Variants in RTTN observed in about 807,000 individuals in gnomAD.
RTTN encodes the protein rotatin.
A neutral mutation model predicts 269.2 loss-of-function variants in RTTN; 182 were observed. That is an observed-to-expected ratio of 0.68 (90% confidence interval 0.60 to 0.76). The LOEUF is 0.76. Ranked by LOEUF, RTTN falls within the 30% of genes least tolerant of loss-of-function variation. RTTN has a pLI of 0.00. For missense variants in RTTN, 2,545 were observed against 2,608.6 expected, an observed-to-expected ratio of 0.98 and a Z score of 0.53; for synonymous variants, 1,006 against 963.5, an observed-to-expected ratio of 1.04 and a Z score of -0.82.
chr18:70,203,677 G>A (rs1403506190), intron 3 of RTTN, among the ~76,000 whole-genome samples: 4 of 152,090 alleles, frequency 2.6e-5, no homozygotes, highest in African/African-American at 4.8e-5. Context: ...GCATTATGTC[G>A]TTTTGATTGG....
At chr18:70,167,795 T>C (rs945869797) in intron 12 of RTTN, among the ~76,000 whole-genome samples, 15 of 150,234 alleles carry the variant, frequency 1.0e-4, no homozygotes, top group Non-Finnish European at 1.3e-4. Flanking sequence ...GGTACTAACA[T>C]GGCAAAAGGA....
intron 5 of RTTN, among the ~76,000 whole-genome samples, chr18:70,198,534 A>T (rs1418905759): frequency 3.3e-5 from 5 of 152,196 alleles, no homozygotes; most frequent in African/African-American, 1.2e-4. Flanking sequence ...TTTATTTTCC[A>T]GATTTATACC....
intron 28 of RTTN, 41 bp from the exon 29 acceptor site, chr18:70,092,845 T>G: frequency 6.4e-7 from 1 of 1,562,044 alleles, no homozygotes; most frequent in Non-Finnish European, 8.8e-7. Flanking sequence ...GGCTTTATTC[T>G]CAATGGTATA....
chr18:70,027,083 C>A (rs1467125359), intron 43 of RTTN, among the ~76,000 whole-genome samples: 2 of 152,226 alleles, frequency 1.3e-5, no homozygotes, highest in Non-Finnish European at 2.9e-5. Context: ...CCCTCCTTCT[C>A]CTTTCTACCT....
intron 23 of RTTN, among the ~76,000 whole-genome samples, chr18:70,133,032 A>T (rs1028069982): frequency 6.6e-6 from 1 of 150,942 alleles, no homozygotes; most frequent in Non-Finnish European, 1.5e-5. Flanking sequence ...ATCTAGGAAT[A>T]AACTATAAAT....
chr18:70,171,679 C>A (rs1044819135), intron 11 of RTTN, among the ~76,000 whole-genome samples: 5 of 152,180 alleles, frequency 3.3e-5, no homozygotes, highest in Admixed American at 1.3e-4. Context: ...AAATCCATCA[C>A]CCCATTAGAT....
chr18:70,017,711 T>C, intron 45 of RTTN, 37 bp from the exon 46 acceptor site: 1 of 1,540,672 alleles, frequency 6.5e-7, no homozygotes, highest in Non-Finnish European at 8.8e-7. Flanking sequence ...TTTCTTCTCA[T>C]CTTTTTCATT....
intron 46 of RTTN, 92 bp downstream of exon 46, chr18:70,017,315 G>T: frequency 8.1e-7 from 1 of 1,235,176 alleles, no homozygotes; most frequent in Non-Finnish European, 1.1e-6. Context: ...CTTAATAAAT[G>T]CCTAGAAAAT....
rs1227891649 is a variant in RTTN, at chr18:70,020,640, T to C, written c.6128A>G (p.His2043Arg). 8.1e-6 allele frequency: 13 copies of C among 1,613,892 alleles called. No individual in the cohort carries two copies. Among genetic ancestry groups the C allele is most frequent in the South Asian group, 2.2e-5 (2 of 91,072 alleles). The change falls in exon 45 of 49, where the codon CAT becomes CGT. Residue 2043 changes from histidine to arginine, a missense_variant. By Grantham distance (29) the His-to-Arg change is conservative. Coordinates refer to ENST00000640769, the MANE Select transcript of RTTN (RefSeq NM_173630.4). ...CTTCTGAATTACTCCTTTACAGTCA[T>C]GCGACAAGGCCAGGTTTGAAAGAAG... ...FMLLSNLALSHDCKGVIQKSN... is the reference protein window; with the variant it reads ...FMLLSNLALSRDCKGVIQKSN...
At chr18:70,155,702 T>C (rs528539836) in intron 14 of RTTN, among the ~76,000 whole-genome samples, 46 of 152,348 alleles carry the variant, frequency 3.0e-4, no homozygotes, top group South Asian at 2.7e-3. Flanking sequence ...CAATGGGGCA[T>C]GGCCATAGGT....
At chr18:70,025,470 C>G (rs1337603489) in intron 43 of RTTN, among the ~76,000 whole-genome samples, 1 of 152,080 alleles carries the variant, frequency 6.6e-6, no homozygotes, top group Non-Finnish European at 1.5e-5. Context: ...ACAAGAATTC[C>G]GAGGTAATTT....
At chr18:70,182,326 T>A (rs2061438113) in intron 10 of RTTN, among the ~76,000 whole-genome samples, 1 of 152,178 alleles carries the variant, frequency 6.6e-6, no homozygotes, top group Non-Finnish European at 1.5e-5. Flanking sequence ...TATTCAGACC[T>A]CTATTCACAA....
chr18:70,016,304 A>G (rs983977112), intron 46 of RTTN, among the ~76,000 whole-genome samples: 1 of 152,240 alleles, frequency 6.6e-6, no homozygotes, highest in African/African-American at 2.4e-5. Flanking sequence ...AAAAACATGA[A>G]AAAAACAAGA....
chr18:70,091,979 T>G (rs1208428341), intron 30 of RTTN, 131 bp downstream of exon 30: 1 of 478,706 alleles, frequency 2.1e-6, no homozygotes, highest in Non-Finnish European at 3.8e-6. Flanking sequence ...GGTCTCAATC[T>G]CCTGACCTCG....
intron 32 of RTTN, among the ~76,000 whole-genome samples, chr18:70,085,900 C>T (rs1011897220): frequency 4.6e-5 from 7 of 152,056 alleles, no homozygotes; most frequent in African/African-American, 1.2e-4. Context: ...AATGAGTACA[C>T]GAGAACCCCA....
At chr18:70,184,710 T>TGTGTGTG (rs1427052940) in intron 10 of RTTN, among the ~76,000 whole-genome samples, 1 of 57,108 alleles carries the variant, frequency 1.8e-5, no homozygotes, top group African/African-American at 6.7e-5. Flanking sequence ...CAGGTTTTTT[T>TGTGTGTG]TTTTTTTGTG....
At chr18:70,150,293 T>C (rs868426432) in intron 15 of RTTN, 1 of 565,900 alleles carries the variant, frequency 1.8e-6, no homozygotes. Flanking sequence ...TAATGTACAT[T>C]TGTCCCTTGA....
intron 32 of RTTN, among the ~76,000 whole-genome samples, chr18:70,081,903 A>C (rs1251468772): frequency 1.3e-5 from 2 of 152,084 alleles, no homozygotes; most frequent in African/African-American, 2.4e-5. Context: ...ATCCACACTT[A>C]AGTGTTCAGA....
At chr18:70,139,073 T>G (rs1270150558) in intron 21 of RTTN, 1 of 151,304 alleles carries the variant, frequency 6.6e-6, no homozygotes, top group Non-Finnish European at 1.5e-5. Flanking sequence ...CTTACTAAAT[T>G]AGAATCAAAT....
Sources: allele counts gnomAD v4.1 joint callset (sites outside exome capture counted in the v4.1 genomes callset), GRCh38; gene constraint gnomAD v4.1.1; transcripts MANE v1.5; gene names NCBI Gene and HGNC (gene_info 2026-07-23, HGNC 2026-07-21).